TTC28: variants seen among roughly 807,000 people sequenced by gnomAD.
The protein encoded by TTC28 is tetratricopeptide repeat domain 28, also known as tetratricopeptide repeat protein 28.
Under a neutral mutation model 198.0 loss-of-function variants are expected in TTC28, and 61 were observed. The ratio of observed to expected loss-of-function variants is 0.31; its 90% CI spans 0.25 to 0.38. The LOEUF is 0.38. Ranked by LOEUF, TTC28 falls within the 10% of genes least tolerant of loss-of-function variation. The pLI is 1.00. For synonymous variants in TTC28, 1,171 were observed against 1,297.8 expected (o/e 0.90, Z 2.10); for missense variants, 2,678 against 3,164.0 (o/e 0.85, Z 3.69).
intron 5 of TTC28, among the ~76,000 whole-genome samples, chr22:28,214,613 A>G (rs565562314): frequency 6.6e-6 from 1 of 152,248 alleles, no homozygotes; most frequent in Non-Finnish European, 1.5e-5. Context: ...AATGGCAAAC[A>G]TTAAAAAGCC....
intron 2 of TTC28, among the ~76,000 whole-genome samples, chr22:28,554,256 T>A (rs2081587406): frequency 6.6e-6 from 1 of 151,750 alleles, no homozygotes; most frequent in Non-Finnish European, 1.5e-5. Context: ...CAGGGTCCTC[T>A]GCCTAGGAAA....
rs189845773 is a variant in TTC28 at position 28,187,689 on chromosome 22, C to G, written c.934-24090G>C. ...AGGCAAACCAGAGTACAGCATTAAACACGTGTTAGGTACTTGAGAGCAATC... is the reference window on the plus strand; with the variant it reads ...AGGCAAACCAGAGTACAGCATTAAAGACGTGTTAGGTACTTGAGAGCAATC... On this transcript the variant is annotated intron_variant, in intron 5 of 22. Transcript: ENST00000397906. Among the ~76,000 whole-genome samples the G allele has an allele frequency of 3.3e-5, 5 of 152,186 alleles. No individual in the cohort carries two copies. In the East Asian group the frequency reaches 5.8e-4, roughly 18 times the overall value.
At chr22:28,543,508 G>T (rs866908064) in intron 2 of TTC28, among the ~76,000 whole-genome samples, 4 of 150,734 alleles carry the variant, frequency 2.7e-5, no homozygotes, top group Middle Eastern at 3.4e-3. Context: ...GGAGGAAGAA[G>T]AATAAAAAGA....
At chr22:28,530,954 A>G (rs548321380) in intron 2 of TTC28, among the ~76,000 whole-genome samples, 14 of 152,342 alleles carry the variant, frequency 9.2e-5, no homozygotes, top group African/African-American at 3.4e-4. Context: ...CTGCAAAAAC[A>G]TGCCAAACTG....
chr22:28,615,118 C>A (rs910873186), intron 2 of TTC28, among the ~76,000 whole-genome samples: 2 of 152,032 alleles, frequency 1.3e-5, no homozygotes, highest in African/African-American at 2.4e-5. Context: ...AAACAAAAAA[C>A]CCCATCAAAA....
intron 2 of TTC28, among the ~76,000 whole-genome samples, chr22:28,575,520 G>A (rs1276280335): frequency 6.6e-6 from 1 of 152,028 alleles, no homozygotes; most frequent in Non-Finnish European, 1.5e-5. Context: ...ATAAATTTTA[G>A]GAGTATTTTT....
intron 5 of TTC28, among the ~76,000 whole-genome samples, chr22:28,175,592 G>A (rs1019850642): frequency 1.3e-5 from 2 of 152,062 alleles, no homozygotes; most frequent in East Asian, 3.9e-4. Flanking sequence ...AATTATCCGG[G>A]CACGGTGGTG....
At chr22:28,077,764 T>C (rs544638975) in intron 12 of TTC28, among the ~76,000 whole-genome samples, 1 of 152,320 alleles carries the variant, frequency 6.6e-6, no homozygotes, top group South Asian at 2.1e-4. Context: ...ATAACAGCTA[T>C]AGTTTATCAA....
intron 1 of TTC28, among the ~76,000 whole-genome samples, chr22:28,677,476 G>A (rs1227791005): frequency 6.6e-6 from 1 of 151,906 alleles, no homozygotes; most frequent in Non-Finnish European, 1.5e-5. Flanking sequence ...GGGAAACCCA[G>A]TCTCTACTAA....
chr22:28,043,274 A>C (rs1402703990), intron 12 of TTC28, among the ~76,000 whole-genome samples: 1 of 148,306 alleles, frequency 6.7e-6, no homozygotes, highest in Non-Finnish European at 1.5e-5. Context: ...AAAAAAGAAA[A>C]GATATTGCCT....
chr22:28,250,680 T>C (rs1930451050), intron 5 of TTC28, among the ~76,000 whole-genome samples: 1 of 152,188 alleles, frequency 6.6e-6, no homozygotes, highest in African/African-American at 2.4e-5. Flanking sequence ...CTAGAGAATA[T>C]TAGCAAAGGA....
chr22:28,262,067 C>T (rs1373345092), intron 5 of TTC28, among the ~76,000 whole-genome samples: 1 of 152,138 alleles, frequency 6.6e-6, no homozygotes, highest in Non-Finnish European at 1.5e-5. Context: ...TATCCTTTCT[C>T]TTTCTCTCTC....
intron 2 of TTC28, among the ~76,000 whole-genome samples, chr22:28,487,668 ATTC>A (rs903799783): frequency 6.6e-6 from 1 of 152,154 alleles, no homozygotes; most frequent in African/African-American, 2.4e-5. Context: ...ATAATTTCAT[ATTC>A]TTTTTTCATC....
At chr22:28,301,065 ATTT>A (rs538899220) in intron 3 of TTC28, among the ~76,000 whole-genome samples, 2,353 of 152,280 alleles carry the variant, frequency 0.015, 67 homozygotes, top group African/African-American at 0.053. Context: ...AAATTTAAAA[ATTT>A]TTTACTATCA....
At chr22:28,491,201 G>A (rs183035392) in intron 2 of TTC28, among the ~76,000 whole-genome samples, 1 of 152,162 alleles carries the variant, frequency 6.6e-6, no homozygotes, top group Admixed American at 6.6e-5. Context: ...CTTAAAGAGA[G>A]CACTGCCTTG....
At chr22:28,059,161 T>A (rs1431491710) in intron 12 of TTC28, among the ~76,000 whole-genome samples, 2 of 152,070 alleles carry the variant, frequency 1.3e-5, no homozygotes, top group African/African-American at 4.8e-5. Flanking sequence ...TACATGCTCT[T>A]CGTTTTCTAG....
intron 5 of TTC28, among the ~76,000 whole-genome samples, chr22:28,282,732 C>T (rs567444894): frequency 1.4e-4 from 22 of 152,226 alleles, no homozygotes; most frequent in African/African-American, 5.3e-4. Context: ...AATTCCTATT[C>T]TCAAGTTGCT....
intron 6 of TTC28, among the ~76,000 whole-genome samples, chr22:28,121,701 A>G (rs1161671142): frequency 6.6e-6 from 1 of 152,220 alleles, no homozygotes; most frequent in Non-Finnish European, 1.5e-5. Context: ...ATTCATTTTC[A>G]GCTTCCTCCT....
intron 14 of TTC28, chr22:28,008,600 A>G (rs1938016241): frequency 6.6e-6 from 1 of 152,272 alleles, no homozygotes; most frequent in Admixed American, 6.5e-5. Flanking sequence ...CAGAGACTCT[A>G]TAACTAGAGC....
Sources: allele counts gnomAD v4.1 joint callset (sites outside exome capture counted in the v4.1 genomes callset), GRCh38; gene constraint gnomAD v4.1.1; transcripts MANE v1.5; gene names NCBI Gene and HGNC (gene_info 2026-07-23, HGNC 2026-07-21).